The following NOS1AP variants were observed in gnomAD, a reference collection of about 807,000 sequenced individuals.
NOS1AP encodes the protein carboxyl-terminal PDZ ligand of neuronal nitric oxide synthase protein.
Under a neutral mutation model 56.2 loss-of-function variants are expected in NOS1AP, and 21 were observed. The ratio of observed to expected loss-of-function variants is 0.37; its 90% confidence interval spans 0.26 to 0.54. NOS1AP has a LOEUF of 0.54. NOS1AP is among the 20% of genes least tolerant of loss of function. The probability of loss-of-function intolerance (pLI) is 0.84; values close to 1 mark genes in which losing one functional copy is unlikely to be tolerated. For missense variants in NOS1AP, 522 were observed against 657.8 expected (o/e 0.79, Z 2.26); for synonymous variants, 270 against 274.6 (o/e 0.98, Z 0.17).
intron 2 of NOS1AP, among the ~76,000 whole-genome samples, chr1:162,210,414 T>TCCCCATGG (rs1412576176): frequency 6.6e-6 from 1 of 152,170 alleles, no homozygotes; most frequent in African/African-American, 2.4e-5. Context: ...TCTGTCTATC[T>TCCCCATGG]CCCCATGGCT....
At chr1:162,140,545 T>C (rs1649191815) in intron 1 of NOS1AP, among the ~76,000 whole-genome samples, 1 of 152,256 alleles carries the variant, frequency 6.6e-6, no homozygotes, top group Admixed American at 6.5e-5. Flanking sequence ...TCCAGTTCAC[T>C]GTCGATGGAC....
intron 4 of NOS1AP, among the ~76,000 whole-genome samples, chr1:162,305,883 A>G (rs1361498127): frequency 6.6e-6 from 1 of 152,204 alleles, no homozygotes; most frequent in Admixed American, 6.5e-5. Flanking sequence ...CTTTATTTCT[A>G]TAGGTTTCTT....
In NOS1AP at chr1:162,261,503, AG is replaced by A. The variant is rs1210965418; in HGVS notation, c.178-25840del. 6.0e-3 allele frequency among the ~76,000 whole-genome samples: 47 copies of A among 7,784 alleles called. 14 individuals are homozygous for A. The highest frequency in any genetic ancestry group is 0.024 in the African/African-American group (26 of 1,084). The allele number at this position is 7,784 out of a possible 152,430, so 5.1% of individuals were successfully genotyped here. On this transcript the variant is annotated intron_variant, in intron 2 of 9. Coordinates refer to ENST00000361897, the MANE Select transcript of NOS1AP (RefSeq NM_014697.3). ...GAGAGAGAGAGAGAGAGAGAGAGAGAGAGAGAGAGAGAGAGAGAGAGAGAGA... is the reference window on the plus strand; with the variant it reads ...GAGAGAGAGAGAGAGAGAGAGAGAGAAGAGAGAGAGAGAGAGAGAGAGAGA...
chr1:162,100,080 C>T (rs1295298930), intron 1 of NOS1AP, among the ~76,000 whole-genome samples: 1 of 152,104 alleles, frequency 6.6e-6, no homozygotes, highest in African/African-American at 2.4e-5. Context: ...GTGAATAGTG[C>T]CGCAATAAGC....
chr1:162,100,346 C>G (rs1692354835), intron 1 of NOS1AP, among the ~76,000 whole-genome samples: 2 of 152,134 alleles, frequency 1.3e-5, no homozygotes, highest in African/African-American at 4.8e-5. Flanking sequence ...GAGATGGTAT[C>G]TCATTGTGGT....
At chr1:162,249,432 G>C (rs1653779291) in intron 2 of NOS1AP, among the ~76,000 whole-genome samples, 1 of 152,088 alleles carries the variant, frequency 6.6e-6, no homozygotes, top group South Asian at 2.1e-4. Context: ...GGCACCATGG[G>C]GCAGCTTGTA....
intron 2 of NOS1AP, among the ~76,000 whole-genome samples, chr1:162,261,625 T>C (rs115631340): frequency 0.025 from 3,777 of 149,958 alleles, 66 homozygotes; most frequent in Non-Finnish European, 0.035. Flanking sequence ...GGGCCAGAAG[T>C]CAAGGAATGC....
chr1:162,226,918 CT>C lies in NOS1AP; in HGVS notation c.178-60414del, dbSNP rs34269221. Among the ~76,000 whole-genome samples, 297 of 147,058 alleles carry C rather than the reference CT, an allele frequency of 2.0e-3. 1 individual carries two copies. Among genetic ancestry groups the C allele is most frequent in the Middle Eastern group, 3.6e-3 (1 of 280 alleles). On this transcript the variant is annotated intron_variant, in intron 2 of 9. Transcript: ENST00000361897. ...CTCTTCTTTCTCAGTATACTAGTGA[CT>C]TTTTTTTTTTTAAATCCCCAGAGGG...
chr1:162,158,084 T>A (rs1650045360), intron 2 of NOS1AP, among the ~76,000 whole-genome samples: 1 of 152,244 alleles, frequency 6.6e-6, no homozygotes, highest in African/African-American at 2.4e-5. Context: ...TTCACACTGT[T>A]GTGTCACAGA....
intron 3 of NOS1AP, among the ~76,000 whole-genome samples, chr1:162,295,941 A>C (rs1329159206): frequency 2.0e-5 from 3 of 151,548 alleles, no homozygotes; most frequent in Non-Finnish European, 4.4e-5. Context: ...GAGACCCTTT[A>C]GTTCTAAAGT....
intron 2 of NOS1AP, among the ~76,000 whole-genome samples, chr1:162,264,061 C>T (rs892881287): frequency 1.3e-5 from 2 of 152,232 alleles, no homozygotes; most frequent in African/African-American, 4.8e-5. Context: ...CTACATCAGA[C>T]TTGCCTCCAC....
chr1:162,303,056 C>T lies in NOS1AP; in HGVS notation c.344+2350C>T, dbSNP rs555691877. Among the ~76,000 whole-genome samples the T allele has an allele frequency of 4.3e-4, 65 of 152,232 alleles. 1 individual carries two copies. The highest frequency in any genetic ancestry group is 1.3e-3 in the African/African-American group (56 of 41,562). ...TGTTTTATAGGTATATCACAGCTTG[C>T]GTAACCATTCATGTGTTCATGGACA... On this transcript the variant is annotated intron_variant, in intron 4 of 9. Coordinates refer to ENST00000361897, the MANE Select transcript of NOS1AP (RefSeq NM_014697.3).
chr1:162,089,145 G>C (rs910964825), intron 1 of NOS1AP, among the ~76,000 whole-genome samples: 5 of 152,140 alleles, frequency 3.3e-5, no homozygotes, highest in Admixed American at 3.3e-4. Flanking sequence ...CTTTTTTGGT[G>C]AACAGAGCTG....
intron 2 of NOS1AP, among the ~76,000 whole-genome samples, chr1:162,275,160 T>C (rs901931293): frequency 6.6e-6 from 1 of 152,156 alleles, no homozygotes; most frequent in Admixed American, 6.5e-5. Flanking sequence ...ACAAAGTTTT[T>C]TGTTGTCGTT....
intron 3 of NOS1AP, among the ~76,000 whole-genome samples, chr1:162,291,019 G>A (rs1655267567): frequency 9.9e-6 from 1 of 100,840 alleles, no homozygotes; most frequent in Admixed American, 9.9e-5. Context: ...GAATCTACTG[G>A]ACTATCAAAA....
intron 1 of NOS1AP, among the ~76,000 whole-genome samples, chr1:162,099,936 T>C (rs1281806241): frequency 1.3e-5 from 2 of 151,776 alleles, no homozygotes. Flanking sequence ...TCCAGCTTCA[T>C]CCATGTCCCT....
intron 1 of NOS1AP, among the ~76,000 whole-genome samples, chr1:162,126,656 G>A (rs1254599366): frequency 6.6e-6 from 1 of 151,908 alleles, no homozygotes; most frequent in East Asian, 1.9e-4. Flanking sequence ...GATGAATGTG[G>A]TTTATTCAAC....
chr1:162,301,182 G>A (rs1034056631), intron 4 of NOS1AP, among the ~76,000 whole-genome samples: 6 of 152,128 alleles, frequency 3.9e-5, no homozygotes, highest in African/African-American at 1.2e-4. Context: ...GAATGCTTTT[G>A]TCTCCCCAAA....
At chr1:162,327,878 A>T (rs1656645180) in intron 4 of NOS1AP, among the ~76,000 whole-genome samples, 1 of 152,240 alleles carries the variant, frequency 6.6e-6, no homozygotes, top group Non-Finnish European at 1.5e-5. Flanking sequence ...GAGAAGATGG[A>T]ACTCATATTT....
Sources: allele counts gnomAD v4.1 joint callset (sites outside exome capture counted in the v4.1 genomes callset), GRCh38; gene constraint gnomAD v4.1.1; transcripts MANE v1.5; gene names NCBI Gene and HGNC (gene_info 2026-07-23, HGNC 2026-07-21).